The following NR2F1 variants were observed in gnomAD, a reference collection of about 807,000 sequenced individuals.
The protein encoded by NR2F1 is COUP transcription factor 1.
NR2F1 carries 1 observed loss-of-function variant against 37.7 expected under a neutral mutation model. The ratio of observed to expected loss-of-function variants is 0.03; its 90% CI spans 0.01 to 0.13. The LOEUF (loss-of-function observed/expected upper bound fraction) is 0.13. Among genes scored for constraint, NR2F1 ranks in the 10% least tolerant of loss-of-function variants. The pLI is 1.00. For missense variants in NR2F1, 268 were observed against 578.4 expected (o/e 0.46, Z 5.50); for synonymous variants, 275 against 259.6 (o/e 1.06, Z -0.57).
intron 2 of NR2F1, among the ~76,000 whole-genome samples, chr5:93,592,673 TC>T (rs1274301651): frequency 6.9e-5 from 2 of 28,900 alleles, no homozygotes; most frequent in African/African-American, 1.4e-4. Flanking sequence ...ACCACCCACA[TC>T]CCCCCCTACC....
Position 93,588,313 on chromosome 5 carries a change from T to A in NR2F1, c.860T>A (p.Met287Lys). 1 of 1,613,314 alleles carries A rather than the reference T, an allele frequency of 6.2e-7. No homozygotes were observed. ...LAAAGLHASP[M>K]SADRVVAFMD... ...GCCGCCGGCCTGCATGCCTCGCCCA[T>A]GTCTGCCGACCGCGTCGTGGCCTTC... is the stretch of plus-strand genomic sequence containing the variant. The change falls in exon 2 of 3, where the codon ATG becomes AAG. Residue 287 changes from methionine to lysine, a missense_variant. Met to Lys is a moderately conservative substitution (Grantham distance 95). Around this residue, in one of 5 missense-constraint regions of NR2F1, gnomAD observed 99 missense variants for 191.9 expected, o/e 0.52. Transcript: ENST00000327111.
At chr5:93,587,573 T>A in intron 1 of NR2F1, 1 of 252,668 alleles carries the variant, frequency 4.0e-6, no homozygotes. Flanking sequence ...TCTGGAGGGG[T>A]GAGTGGGGTT....
At chr5:93,586,409 T>TAA (rs1561524216) in intron 1 of NR2F1, among the ~76,000 whole-genome samples, 4 of 151,888 alleles carry the variant, frequency 2.6e-5, no homozygotes, top group Non-Finnish European at 5.9e-5. Flanking sequence ...TTTGTTTTTT[T>TAA]TAAAAAAAAA....
chr5:93,593,540 C>A lies in NR2F1; in HGVS notation c.992-22C>A, dbSNP rs1347557223. On this transcript the variant is annotated intron_variant, in intron 2 of 2. Transcript: ENST00000327111. This position sits in a 1 kb window ranked among gnomAD's most constrained non-coding sequence, Gnocchi z 5.6. ...CGTGTGCTCCCTTTCCCTGTCTCTC[C>A]CTCCTGTGGCTGCTTGGGCAGACGC... The A allele has an allele frequency of 1.2e-6, 2 of 1,604,014 alleles. No individual in the cohort carries two copies. The highest frequency in any genetic ancestry group is 2.7e-5 in the African/African-American group (2 of 74,822).
intron 2 of NR2F1, among the ~76,000 whole-genome samples, chr5:93,589,968 A>C (rs1753303442): frequency 6.6e-6 from 1 of 152,382 alleles, no homozygotes; most frequent in East Asian, 1.9e-4. Context: ...CAAGAGGATA[A>C]AGTGCAAACC....
chr5:93,585,895 CTG>C (rs1417326865), intron 1 of NR2F1, among the ~76,000 whole-genome samples: 3 of 151,990 alleles, frequency 2.0e-5, no homozygotes, highest in African/African-American at 7.3e-5. Context: ...CCAGAAAACT[CTG>C]TTTCTGTGGT....
At chr5:93,588,525 C>T in intron 2 of NR2F1, 81 bp downstream of exon 2, 1 of 1,051,586 alleles carries the variant, frequency 9.5e-7, no homozygotes. Flanking sequence ...GCCTTCGGAG[C>T]CTCCCGCGCG....
chr5:93,593,500 A>G lies in NR2F1; in HGVS notation c.992-62A>G. On this transcript the variant is annotated intron_variant, in intron 2 of 2. Transcript: ENST00000327111. The surrounding 1 kb of genome is among the most constrained non-coding windows in gnomAD (Gnocchi z 5.6). ...ATTGATGGCTTATTTTGCCTTTGCT[A>G]TTTGTCAGCCTAACCGTGTGCTCCC... The G allele has an allele frequency of 6.7e-7, 1 of 1,495,060 alleles. No individual in the cohort carries two copies. The highest frequency in any genetic ancestry group is 2.0e-4 in the Middle Eastern group (1 of 5,076). The allele number at this position is 1,495,060 out of a possible 1,614,324, so 92.6% of individuals were successfully genotyped here. A position where few individuals can be genotyped will look rare whatever the true frequency, so the allele number is the denominator to read the frequency against.
At position 93,583,849 on chromosome 5, in the gene NR2F1, A is replaced by G. The variant is rs921997530; in HGVS notation, c.-1175A>G. 6.6e-6 allele frequency: 1 copy of G among 151,512 alleles called. No homozygotes were observed. Among genetic ancestry groups the G allele is most frequent in the South Asian group, 2.1e-4 (1 of 4,790 alleles). The allele number at this position is 151,512 out of a possible 1,614,324, so 9.4% of individuals were successfully genotyped here. On this transcript the variant is annotated 5_prime_UTR_variant, in exon 1 of 3. Transcript: ENST00000327111. ...TTTTCTTCTGATTTTTATTTTTTCT[A>G]TTTCGCTGTGATTTCGTCGCCGGCG...
At chr5:93,589,516 A>C (rs572668349) in intron 2 of NR2F1, among the ~76,000 whole-genome samples, 1 of 152,268 alleles carries the variant, frequency 6.6e-6, no homozygotes, top group South Asian at 2.1e-4. Context: ...GCCCACTGTG[A>C]GTAGGGTTAG....
chr5:93,585,681 C>T (rs914106289), intron 1 of NR2F1, 195 bp downstream of exon 1: 16 of 584,150 alleles, frequency 2.7e-5, no homozygotes, highest in Non-Finnish European at 4.6e-5. Flanking sequence ...GCTGCCTCCC[C>T]CTCCCGGCCT....
intron 1 of NR2F1, 23 bp downstream of exon 1, chr5:93,585,509 T>C (rs1351602393): frequency 6.3e-7 from 1 of 1,583,960 alleles, no homozygotes; most frequent in Non-Finnish European, 8.6e-7. Flanking sequence ...TCTCTGCTTC[T>C]CTCCCCGCGC....
At chr5:93,585,598 C>A (rs1753215764) in intron 1 of NR2F1, 112 bp downstream of exon 1, 1 of 834,660 alleles carries the variant, frequency 1.2e-6, no homozygotes. Flanking sequence ...GTGGTCCCGG[C>A]CCGTCCCAGC....
At chr5:93,591,045 A>G (rs1282734248) in intron 2 of NR2F1, among the ~76,000 whole-genome samples, 2 of 152,192 alleles carry the variant, frequency 1.3e-5, no homozygotes, top group Admixed American at 6.5e-5. Flanking sequence ...TTACATCTAT[A>G]TTTCCTGAAC....
rs568462262 is a variant in NR2F1, at chr5:93,592,679, C to T, written c.992-883C>T. On this transcript the variant is annotated intron_variant, in intron 2 of 2. Coordinates refer to ENST00000327111, the MANE Select transcript of NR2F1 (RefSeq NM_005654.6). ...CAACTCCCCACCACCCACATCCCCC[C>T]CTACCCCCCCAGTTCTGAAGCAGCA... Among the ~76,000 whole-genome samples, 3 of 142,586 alleles carry T rather than the reference C, an allele frequency of 2.1e-5. No individual in the cohort carries two copies. The Admixed American group carries it at 2.1e-4, about 10-fold the overall frequency. The allele number at this position is 142,586 out of a possible 152,430, so 93.5% of individuals were successfully genotyped here.
chr5:93,584,022 T>G lies in NR2F1; in HGVS notation c.-1002T>G, dbSNP rs1753176520. The G allele has an allele frequency of 6.6e-6, 1 of 151,784 alleles. No individual in the cohort carries two copies. 9.4% of individuals were successfully genotyped at this position (151,784 alleles called of 1,614,324 possible). A position where few individuals can be genotyped will look rare whatever the true frequency, so the allele number is the denominator to read the frequency against. ...CGCTCTCCAGCGCTGCCTTCCTGAA[T>G]GGCTGGCTGCGTCCGGCCCTGGACC... On this transcript the variant is annotated 5_prime_UTR_variant, in exon 1 of 3. The change abolishes an upstream ATG in the 5' untranslated region. Transcript: ENST00000327111.
At chr5:93,588,753 G>A (rs1043534920) in intron 2 of NR2F1, among the ~76,000 whole-genome samples, 1 of 151,378 alleles carries the variant, frequency 6.6e-6, no homozygotes, top group African/African-American at 2.4e-5. Flanking sequence ...AGGCGGGGGG[G>A]CGGTGCTGTG....
chr5:93,592,293 T>A (rs981884373), intron 2 of NR2F1: 10 of 152,138 alleles, frequency 6.6e-5, no homozygotes, highest in Non-Finnish European at 1.2e-4. Flanking sequence ...TTTTCCCAGA[T>A]CTATATATTA....
rs1270114432 is a variant in NR2F1 at position 93,584,434 on chromosome 5, T to C, written c.-590T>C. On this transcript the variant is annotated 5_prime_UTR_variant, in exon 1 of 3. Coordinates refer to ENST00000327111, the MANE Select transcript of NR2F1 (RefSeq NM_005654.6). ...GGCGCCCGGCGCGGGTGAGCGACTG[T>C]GTGTGCGAGTGTGTGTGTGCGCGGG... 6.8e-6 allele frequency: 1 copy of C among 147,574 alleles called. No individual in the cohort carries two copies. Among genetic ancestry groups the C allele is most frequent in the Non-Finnish European group, 1.5e-5 (1 of 66,490 alleles). The allele number at this position is 147,574 out of a possible 1,614,324, so 9.1% of individuals were successfully genotyped here. A position where few individuals can be genotyped will look rare whatever the true frequency, so the allele number is the denominator to read the frequency against.
Sources: allele counts gnomAD v4.1 joint callset (sites outside exome capture counted in the v4.1 genomes callset), GRCh38; gene constraint gnomAD v4.1.1; regional missense constraint gnomAD v4.1.1; non-coding constraint Gnocchi (gnomAD v3.1); transcripts MANE v1.5; gene names NCBI Gene and HGNC (gene_info 2026-07-23, HGNC 2026-07-21).